The following IMMP2L variants were observed in gnomAD, a reference collection of about 807,000 sequenced individuals.
IMMP2L encodes the protein mitochondrial inner membrane protease subunit 2.
Under a neutral mutation model 19.3 loss-of-function variants are expected in IMMP2L, and 18 were observed. That is an observed-to-expected ratio of 0.93 (90% confidence interval 0.64 to 1.38). The LOEUF (loss-of-function observed/expected upper bound fraction) is 1.38. IMMP2L is among the 40% of genes most tolerant of loss of function. The pLI, the probability that IMMP2L is intolerant of heterozygous loss-of-function variation, is 0.00. For missense variants in IMMP2L, 233 were observed against 218.2 expected, an observed-to-expected ratio of 1.07 and a Z score of -0.43; for synonymous variants, 76 against 73.0, an observed-to-expected ratio of 1.04 and a Z score of -0.21.
chr7:111,464,524 T>C (rs755819937), intron 3 of IMMP2L, among the ~76,000 whole-genome samples: 1 of 152,202 alleles, frequency 6.6e-6, no homozygotes, highest in Non-Finnish European at 1.5e-5. Context: ...ACAGGACAGC[T>C]ATGTGAAATA....
intron 4 of IMMP2L, among the ~76,000 whole-genome samples, chr7:110,957,502 G>C (rs1463223934): frequency 6.6e-6 from 1 of 151,944 alleles, no homozygotes; most frequent in Non-Finnish European, 1.5e-5. Context: ...GCAGCAGAAA[G>C]AGTGATTCTT....
chr7:111,188,683 T>G (rs554550517), intron 3 of IMMP2L, among the ~76,000 whole-genome samples: 1 of 152,220 alleles, frequency 6.6e-6, no homozygotes, highest in South Asian at 2.1e-4. Context: ...GTTAATTTCT[T>G]GTACTTGCTA....
chr7:111,042,302 TC>T (rs1157217673), intron 3 of IMMP2L, among the ~76,000 whole-genome samples: 1 of 151,954 alleles, frequency 6.6e-6, no homozygotes, highest in Non-Finnish European at 1.5e-5. Flanking sequence ...GCCTCAGCCT[TC>T]TGAGTAGCTG....
intron 3 of IMMP2L, among the ~76,000 whole-genome samples, chr7:111,169,462 T>C (rs1806193622): frequency 6.6e-6 from 1 of 151,914 alleles, no homozygotes; most frequent in Non-Finnish European, 1.5e-5. Context: ...TTGGGTTACA[T>C]TCAGGGTTGG....
intron 3 of IMMP2L, among the ~76,000 whole-genome samples, chr7:111,028,833 T>C (rs1827120159): frequency 6.6e-6 from 1 of 152,122 alleles, no homozygotes; most frequent in Non-Finnish European, 1.5e-5. Context: ...TATAAAATGA[T>C]TGGATTTGAC....
intron 3 of IMMP2L, among the ~76,000 whole-genome samples, chr7:111,108,966 A>T (rs539103554): frequency 1.3e-5 from 2 of 152,230 alleles, no homozygotes; most frequent in Non-Finnish European, 2.9e-5. Context: ...AATAAAACGG[A>T]AACAACTTTA....
chr7:111,323,886 C>A (rs1462536665), intron 3 of IMMP2L, among the ~76,000 whole-genome samples: 1 of 151,964 alleles, frequency 6.6e-6, no homozygotes, highest in Non-Finnish European at 1.5e-5. Context: ...CAAACTGTCA[C>A]AAGGACAAAA....
chr7:111,342,853 T>C (rs1271748948), intron 3 of IMMP2L, among the ~76,000 whole-genome samples: 1 of 152,096 alleles, frequency 6.6e-6, no homozygotes, highest in Non-Finnish European at 1.5e-5. Context: ...TAAAAAGTTA[T>C]ATGATTTCTT....
chr7:110,673,241 T>C (rs973452242), intron 5 of IMMP2L, among the ~76,000 whole-genome samples: 8 of 152,262 alleles, frequency 5.3e-5, no homozygotes, highest in African/African-American at 1.9e-4. Context: ...TGGTCTGAGC[T>C]GTACCTTGGC....
chr7:111,174,104 T>C (rs545628384), intron 3 of IMMP2L, among the ~76,000 whole-genome samples: 1 of 151,802 alleles, frequency 6.6e-6, no homozygotes, highest in Admixed American at 6.6e-5. Context: ...CACATACTCA[T>C]ATAAGAATAT....
At chr7:111,283,420 T>C (rs1563008303) in intron 3 of IMMP2L, among the ~76,000 whole-genome samples, 1 of 152,144 alleles carries the variant, frequency 6.6e-6, no homozygotes, top group Non-Finnish European at 1.5e-5. Flanking sequence ...TATGAATTTA[T>C]GTGGCAAAGA....
intron 5 of IMMP2L, among the ~76,000 whole-genome samples, chr7:110,692,270 T>C (rs1286692097): frequency 6.6e-6 from 1 of 152,184 alleles, no homozygotes; most frequent in Non-Finnish European, 1.5e-5. Flanking sequence ...TACGTTCTCA[T>C]TCATAAGTGA....
chr7:111,057,328 T>C (rs1793604569), intron 3 of IMMP2L, among the ~76,000 whole-genome samples: 3 of 152,096 alleles, frequency 2.0e-5, no homozygotes, highest in South Asian at 2.1e-4. Flanking sequence ...TTTGAGTTAA[T>C]CATCTCAGAG....
intron 3 of IMMP2L, among the ~76,000 whole-genome samples, chr7:111,178,760 C>T (rs979524133): frequency 6.6e-6 from 1 of 152,088 alleles, no homozygotes; most frequent in Non-Finnish European, 1.5e-5. Context: ...TCAGTTCCAT[C>T]TTCAAGTTTC....
Position 111,416,353 on chromosome 7 carries a change from T to C in IMMP2L, c.239+70885A>G, listed in dbSNP as rs1834954838. ...ACACAATTGTACTAAACAATATGCA[T>C]GCTTTCTGTTTTTCTATCAATTAAA... On this transcript the variant is annotated intron_variant, in intron 3 of 5. Coordinates refer to ENST00000405709, the MANE Select transcript of IMMP2L (RefSeq NM_032549.4). Among the ~76,000 whole-genome samples, 2 of 151,902 alleles carry C rather than the reference T, an allele frequency of 1.3e-5. 1 individual carries two copies. The highest frequency in any genetic ancestry group is 4.9e-5 in the African/African-American group (2 of 41,212).
intron 3 of IMMP2L, among the ~76,000 whole-genome samples, chr7:111,236,770 G>C (rs1308512070): frequency 6.6e-6 from 1 of 152,056 alleles, no homozygotes; most frequent in Non-Finnish European, 1.5e-5. Flanking sequence ...TCTCCTCCCT[G>C]TGCTGGGCCC....
At chr7:111,321,039 C>T (rs1824645440) in intron 3 of IMMP2L, among the ~76,000 whole-genome samples, 1 of 151,918 alleles carries the variant, frequency 6.6e-6, no homozygotes, top group Non-Finnish European at 1.5e-5. Context: ...GAAAATATGG[C>T]CACCAAAATG....
chr7:111,158,077 G>A (rs530854253), intron 3 of IMMP2L, among the ~76,000 whole-genome samples: 46 of 151,658 alleles, frequency 3.0e-4, no homozygotes, highest in Non-Finnish European at 1.0e-4. Flanking sequence ...CAGTTTCCTA[G>A]CTTGTGAGCT....
At chr7:110,706,129 G>A (rs1203525085) in intron 5 of IMMP2L, among the ~76,000 whole-genome samples, 3 of 152,066 alleles carry the variant, frequency 2.0e-5, no homozygotes, top group African/African-American at 7.3e-5. Flanking sequence ...TAGAGATGGG[G>A]TCTTACTCTG....
Sources: allele counts gnomAD v4.1 joint callset (sites outside exome capture counted in the v4.1 genomes callset), GRCh38; gene constraint gnomAD v4.1.1; transcripts MANE v1.5; gene names NCBI Gene and HGNC (gene_info 2026-07-23, HGNC 2026-07-21).